Variants in AHI1 observed in about 807,000 individuals in gnomAD.
AHI1 encodes the protein Abelson helper integration site 1, also known as jouberin.
A neutral mutation model predicts 149.3 loss-of-function variants in AHI1; 123 were observed. That is an observed-to-expected ratio of 0.82 (90% CI 0.71 to 0.96). AHI1 has a LOEUF of 0.96. Ranked by LOEUF, AHI1 falls within the 40% of genes least tolerant of loss-of-function variation. The probability of loss-of-function intolerance (pLI) is 0.00; values close to 1 mark genes in which losing one functional copy is unlikely to be tolerated. For missense variants in AHI1, 1,439 were observed against 1,422.7 expected (o/e 1.01, Z -0.18); for synonymous variants, 475 against 459.8 (o/e 1.03, Z -0.42).
chr6:135,384,637 G>T (rs1777313076), intron 23 of AHI1, among the ~76,000 whole-genome samples: 2 of 152,062 alleles, frequency 1.3e-5, no homozygotes, highest in Non-Finnish European at 2.9e-5. Flanking sequence ...TCAACATTAG[G>T]CAAGTTTTAT....
intron 23 of AHI1, among the ~76,000 whole-genome samples, chr6:135,391,394 T>A (rs556201036): frequency 2.6e-5 from 4 of 152,018 alleles, no homozygotes; most frequent in Non-Finnish European, 5.9e-5. Flanking sequence ...GGCATTAGAT[T>A]CTCATAAGGA....
At chr6:135,497,301 T>C (rs1447045289) in intron 1 of AHI1, 52 bp from the exon 2 acceptor site, 1 of 152,196 alleles carries the variant, frequency 6.6e-6, no homozygotes, top group Non-Finnish European at 1.5e-5. Flanking sequence ...AGCATTTAAA[T>C]AAGAATCGGG....
At chr6:135,468,283 AAAAT>A (rs1316444132) in intron 5 of AHI1, among the ~76,000 whole-genome samples, 1 of 152,200 alleles carries the variant, frequency 6.6e-6, no homozygotes, top group Non-Finnish European at 1.5e-5. Flanking sequence ...TAAAACAGTA[AAAAT>A]AAATAAATAA....
intron 20 of AHI1, among the ~76,000 whole-genome samples, chr6:135,421,603 G>C (rs1336895717): frequency 6.6e-6 from 1 of 151,890 alleles, no homozygotes; most frequent in East Asian, 1.9e-4. Context: ...AGTCTTTGTT[G>C]TTGTCTATTT....
At chr6:135,327,164 T>C (rs969158494) in intron 24 of AHI1, among the ~76,000 whole-genome samples, 2 of 152,318 alleles carry the variant, frequency 1.3e-5, no homozygotes, top group African/African-American at 4.8e-5. Context: ...GTCTGTGGTA[T>C]TTTGTTAGGG....
At chr6:135,422,814 A>C (rs1239858314) in intron 20 of AHI1, among the ~76,000 whole-genome samples, 3 of 151,864 alleles carry the variant, frequency 2.0e-5, no homozygotes, top group Non-Finnish European at 4.4e-5. Context: ...TAAGGGAGTG[A>C]ACTATTAATA....
At chr6:135,302,413 T>C (rs1783990095) in intron 26 of AHI1, 7 of 990,346 alleles carry the variant, frequency 7.1e-6, no homozygotes, top group Non-Finnish European at 8.4e-6. Context: ...GAATAATATG[T>C]TGCCATGTGC....
intron 21 of AHI1, among the ~76,000 whole-genome samples, chr6:135,410,077 A>G (rs565530787): frequency 6.6e-6 from 1 of 152,308 alleles, no homozygotes; most frequent in South Asian, 2.1e-4. Context: ...AAGAAATACT[A>G]CAATCCCCAT....
chr6:135,471,961 G>A (rs1017840634), intron 5 of AHI1, among the ~76,000 whole-genome samples: 1 of 127,996 alleles, frequency 7.8e-6, no homozygotes, highest in African/African-American at 2.9e-5. Context: ...GCAGTGAGCC[G>A]AGATTGCGCC....
Position 135,479,899 on chromosome 6 carries a change from C to A in AHI1, c.135+10724G>T, listed in dbSNP as rs1583452780. ...CTGTTCTCATGAGTTCTCCTGAGAT[C>A]CTGTTGTTTGAAAGTGTGTAGCACT... On this transcript the variant is annotated intron_variant, in intron 5 of 28. Coordinates refer to ENST00000265602, the MANE Select transcript of AHI1 (RefSeq NM_001134831.2). 5.3e-5 allele frequency among the ~76,000 whole-genome samples: 8 copies of A among 152,156 alleles called. 1 individual carries two copies. Among genetic ancestry groups the A allele is most frequent in the Admixed American group, 5.2e-4 (8 of 15,296 alleles).
At chr6:135,314,739 G>A (rs1016984820) in intron 26 of AHI1, among the ~76,000 whole-genome samples, 5 of 152,100 alleles carry the variant, frequency 3.3e-5, no homozygotes, top group African/African-American at 4.8e-5. Context: ...CATGAGAGCC[G>A]GGAGTTAACA....
chr6:135,378,849 T>C (rs964886655), intron 23 of AHI1, among the ~76,000 whole-genome samples: 15 of 152,130 alleles, frequency 9.9e-5, no homozygotes, highest in Admixed American at 1.3e-4. Flanking sequence ...TATTTTCTTG[T>C]TTCCTCCTTT....
intron 24 of AHI1, among the ~76,000 whole-genome samples, chr6:135,326,595 C>G (rs56161523): frequency 0.012 from 1,747 of 151,632 alleles, 39 homozygotes; most frequent in African/African-American, 0.04. Flanking sequence ...GAGTCTTGCT[C>G]TCTTGCCCAG....
At chr6:135,439,624 G>A (rs552601641) in intron 14 of AHI1, among the ~76,000 whole-genome samples, 35 of 152,294 alleles carry the variant, frequency 2.3e-4, no homozygotes, top group African/African-American at 8.2e-4. Context: ...TCTTCTATCC[G>A]TGAAATTGTG....
At chr6:135,319,626 T>C (rs1444466148) in intron 25 of AHI1, among the ~76,000 whole-genome samples, 4 of 152,238 alleles carry the variant, frequency 2.6e-5, no homozygotes, top group Non-Finnish European at 5.9e-5. Context: ...CATAGGGTAT[T>C]GAATCTAAAG....
At chr6:135,300,598 G>A (rs756509165) in intron 26 of AHI1, 40 bp from the exon 27 acceptor site, 1 of 1,573,814 alleles carries the variant, frequency 6.4e-7, no homozygotes, top group Non-Finnish European at 8.6e-7. Flanking sequence ...AGTAAAAAAT[G>A]AGAAAAGACA....
rs180691430 is a variant in AHI1 at position 135,291,744 on chromosome 6, G to A, written c.3486-1219C>T. Among the ~76,000 whole-genome samples the A allele has an allele frequency of 1.8e-4, 28 of 152,306 alleles. 1 individual carries two copies. Among genetic ancestry groups the A allele is most frequent in the Admixed American group, 1.8e-3 (27 of 15,292 alleles). ...CAGAAATTACAAAGAAGAAAGGACA[G>A]TAAATTTAGATAGAATGATAAAAGA... On this transcript the variant is annotated intron_variant, in intron 27 of 28. Coordinates refer to ENST00000265602, the MANE Select transcript of AHI1 (RefSeq NM_001134831.2).
At chr6:135,406,808 TTATTA>T (rs1780860971) in intron 21 of AHI1, among the ~76,000 whole-genome samples, 1 of 152,180 alleles carries the variant, frequency 6.6e-6, no homozygotes, top group African/African-American at 2.4e-5. Flanking sequence ...GGTCTACCTT[TTATTA>T]TATTATAAGG....
chr6:135,388,828 A>G (rs891273746), intron 23 of AHI1, among the ~76,000 whole-genome samples: 1 of 151,546 alleles, frequency 6.6e-6, no homozygotes, highest in Non-Finnish European at 1.5e-5. Context: ...CCTGGTCAAC[A>G]CGGTGAAACC....
Sources: allele counts gnomAD v4.1 joint callset (sites outside exome capture counted in the v4.1 genomes callset), GRCh38; gene constraint gnomAD v4.1.1; transcripts MANE v1.5; gene names NCBI Gene and HGNC (gene_info 2026-07-23, HGNC 2026-07-21).